The following EYA2 variants were observed in gnomAD, a reference collection of about 807,000 sequenced individuals.
EYA2 encodes protein phosphatase EYA2.
In EYA2, 31 loss-of-function variants were observed where a neutral mutation model predicts 69.2. That is an observed-to-expected ratio of 0.45 (90% CI 0.34 to 0.60). EYA2 has a LOEUF of 0.60. Among genes scored for constraint, EYA2 ranks in the 20% least tolerant of loss-of-function variants. The pLI, the probability that EYA2 is intolerant of heterozygous loss-of-function variation, is 0.02. For missense variants in EYA2, 622 were observed against 701.2 expected (o/e 0.89, Z 1.28); for synonymous variants, 257 against 279.4 (o/e 0.92, Z 0.80).
At chr20:47,089,882 T>C (rs982123548) in intron 8 of EYA2, among the ~76,000 whole-genome samples, 5 of 151,866 alleles carry the variant, frequency 3.3e-5, no homozygotes, top group Admixed American at 6.6e-5. Context: ...CCCAGATCAA[T>C]TGAAAAGACT....
intron 10 of EYA2, among the ~76,000 whole-genome samples, chr20:47,156,123 CACACATATATATATATATATATATATAT>C (rs1170681553): frequency 7.5e-4 from 18 of 23,962 alleles, no homozygotes; most frequent in African/African-American, 2.8e-3. Context: ...CACACACACA[CACACATATATATATATATATATATATAT>C]ATATATATAT....
rs535995961 is a variant in EYA2 at position 46,984,264 on chromosome 20, C to T, written c.-10-5737C>T. On this transcript the variant is annotated intron_variant, in intron 1 of 15. Transcript: ENST00000327619. Reference sequence around the variant, plus strand: ...AAATATGTAAGGATTTTTTGTTCTACAAAAGATAATAGAAATAAAGAAAAC... The same window carrying T: ...AAATATGTAAGGATTTTTTGTTCTATAAAAGATAATAGAAATAAAGAAAAC... Among the ~76,000 whole-genome samples the T allele has an allele frequency of 2.8e-4, 42 of 150,708 alleles. No individual in the cohort carries two copies. In the South Asian group the frequency reaches 8.6e-3, roughly 31 times the overall value.
Position 47,008,224 on chromosome 20 carries a change from C to G in EYA2, c.298+3140C>G, listed in dbSNP as rs146616334. 2.0e-5 allele frequency among the ~76,000 whole-genome samples: 3 copies of G among 152,316 alleles called. No homozygotes were observed. In the East Asian group the frequency reaches 5.8e-4, roughly 29 times the overall value. On this transcript the variant is annotated intron_variant, in intron 4 of 15. Coordinates refer to ENST00000327619, the MANE Select transcript of EYA2 (RefSeq NM_005244.5). ...AATTCCTTTAATCCCCACCTCAACCCTACGAGGAAGGTCATCTCATTATCC... is the reference window on the plus strand; with the variant it reads ...AATTCCTTTAATCCCCACCTCAACCGTACGAGGAAGGTCATCTCATTATCC...
chr20:46,977,179 G>A (rs894248953), intron 1 of EYA2, among the ~76,000 whole-genome samples: 8 of 152,220 alleles, frequency 5.3e-5, no homozygotes, highest in Non-Finnish European at 1.2e-4. Context: ...GTGTGTGGGT[G>A]TTTGTGTTTA....
chr20:47,085,064 C>A (rs1444683501), intron 7 of EYA2, among the ~76,000 whole-genome samples: 2 of 151,620 alleles, frequency 1.3e-5, no homozygotes, highest in Non-Finnish European at 2.9e-5. Flanking sequence ...CTCAAACTCC[C>A]AGGGTCAAGC....
intron 5 of EYA2, among the ~76,000 whole-genome samples, chr20:47,023,213 A>C (rs1266272026): frequency 6.6e-6 from 1 of 152,244 alleles, no homozygotes. Flanking sequence ...CTTTTTGCAA[A>C]CATAAGTAAA....
At chr20:47,167,188 C>T (rs369838771) in intron 10 of EYA2, 19 of 153,702 alleles carry the variant, frequency 1.2e-4, no homozygotes, top group African/African-American at 4.4e-4. Flanking sequence ...GCTGCTGTAA[C>T]AAATTTCCCC....
At position 47,016,271 on chromosome 20, in the gene EYA2, A is replaced by G; in HGVS notation, c.389A>G (p.Gln130Arg). 6.2e-7 allele frequency: 1 copy of G among 1,614,190 alleles called. No homozygotes were observed. The highest frequency in any genetic ancestry group is 2.2e-5 in the East Asian group (1 of 44,884). The part of the protein sequence containing the change: ...GSSFSTSPTG[Q>R]SPYTYQMHGT... ...AGCTTCAGCACCTCACCCACTGGAC[A>G]GAGCCCATACACCTACCAGATGCAC... Residue 130 changes from glutamine (Q) to arginine (R), a missense_variant, in exon 5 of 16, where the codon CAG (glutamine) becomes CGG (arginine). By Grantham distance (43) the Gln-to-Arg change is conservative. Transcript: ENST00000327619.
chr20:47,168,569 T>C (rs528703962), intron 10 of EYA2, among the ~76,000 whole-genome samples: 1 of 151,882 alleles, frequency 6.6e-6, no homozygotes. Flanking sequence ...TTGGAGTTTG[T>C]TCAATGGCAA....
chr20:47,181,132 C>T (rs528336124), intron 14 of EYA2, among the ~76,000 whole-genome samples, 196 bp downstream of exon 14: 12 of 152,246 alleles, frequency 7.9e-5, no homozygotes, highest in African/African-American at 2.9e-4. Context: ...TTGGTTAGGA[C>T]CACAGTTTTC....
chr20:47,055,397 G>C (rs2030557670), intron 5 of EYA2, among the ~76,000 whole-genome samples: 1 of 152,182 alleles, frequency 6.6e-6, no homozygotes, highest in African/African-American at 2.4e-5. Context: ...ACCACACTGG[G>C]TGAAGGCAGA....
At chr20:46,931,742 T>A (rs1985679126) in intron 1 of EYA2, among the ~76,000 whole-genome samples, 1 of 151,928 alleles carries the variant, frequency 6.6e-6, no homozygotes, top group South Asian at 2.1e-4. Flanking sequence ...AGCCCAGGGG[T>A]TGTAATTCAT....
intron 4 of EYA2, among the ~76,000 whole-genome samples, chr20:47,010,239 A>T (rs953408690): frequency 6.6e-6 from 1 of 152,236 alleles, no homozygotes; most frequent in African/African-American, 2.4e-5. Flanking sequence ...TCCAGAACTT[A>T]GTGGCTTAAA....
chr20:47,177,747 C>T (rs1417738771), intron 12 of EYA2, among the ~76,000 whole-genome samples: 2 of 152,218 alleles, frequency 1.3e-5, no homozygotes, highest in African/African-American at 4.8e-5. Context: ...TTAATTCATT[C>T]TTCCTTCAAC....
intron 5 of EYA2, among the ~76,000 whole-genome samples, chr20:47,053,918 C>T (rs1265506069): frequency 6.6e-6 from 1 of 151,796 alleles, no homozygotes; most frequent in Non-Finnish European, 1.5e-5. Flanking sequence ...AGACTCAAGG[C>T]GGACTGCTGC....
chr20:46,970,628 G>GT (rs1331592719), intron 1 of EYA2, among the ~76,000 whole-genome samples: 1 of 152,308 alleles, frequency 6.6e-6, no homozygotes, highest in Non-Finnish European at 1.5e-5. Flanking sequence ...ATGTACATTG[G>GT]TGGGGGGATG....
intron 8 of EYA2, among the ~76,000 whole-genome samples, chr20:47,090,733 C>T (rs2032058827): frequency 6.6e-6 from 1 of 152,142 alleles, no homozygotes; most frequent in Non-Finnish European, 1.5e-5. Flanking sequence ...ACTTTGTTAA[C>T]TCTAATTCTT....
Position 47,094,705 on chromosome 20 carries a change from C to T in EYA2, c.805-2380C>T, listed in dbSNP as rs558773072. Among the ~76,000 whole-genome samples, 4 of 152,210 alleles carry T rather than the reference C, an allele frequency of 2.6e-5. No homozygotes were observed. The South Asian group carries it at 6.2e-4, about 24-fold the overall frequency. ...CCTTTGTCCTTGAAAATAATGATCA[C>T]CAGAAAAATAAAGAAAATCAACAGT... On this transcript the variant is annotated intron_variant, in intron 8 of 15. Transcript: ENST00000327619.
intron 9 of EYA2, among the ~76,000 whole-genome samples, chr20:47,103,338 C>T (rs2032480685): frequency 6.6e-6 from 1 of 152,140 alleles, no homozygotes; most frequent in Non-Finnish European, 1.5e-5. Flanking sequence ...CTGGATATTT[C>T]ATATAAAGGG....
Sources: allele counts gnomAD v4.1 joint callset (sites outside exome capture counted in the v4.1 genomes callset), GRCh38; gene constraint gnomAD v4.1.1; transcripts MANE v1.5; gene names NCBI Gene and HGNC (gene_info 2026-07-23, HGNC 2026-07-21).